Variants in PRDM2 observed in about 807,000 individuals in gnomAD.
PRDM2 encodes the protein PR domain zinc finger protein 2.
Under a neutral mutation model 130.0 loss-of-function variants are expected in PRDM2, and 30 were observed. That is an observed-to-expected ratio of 0.23 (90% confidence interval 0.17 to 0.31). The LOEUF (loss-of-function observed/expected upper bound fraction) is 0.31. PRDM2 is among the 10% of genes least tolerant of loss of function. The pLI is 1.00. For missense variants in PRDM2, 2,011 were observed against 2,108.4 expected (o/e 0.95, Z 0.90); for synonymous variants, 871 against 782.4 (o/e 1.11, Z -1.89).
At chr1:13,783,703 C>G (rs554437043) in intron 8 of PRDM2, among the ~76,000 whole-genome samples, 1 of 152,268 alleles carries the variant, frequency 6.6e-6, no homozygotes, top group South Asian at 2.1e-4. Context: ...TTCCTGAGTC[C>G]TTTGTCCGAA....
intron 1 of PRDM2, among the ~76,000 whole-genome samples, chr1:13,715,168 C>T (rs996890197): frequency 6.6e-6 from 1 of 152,124 alleles, no homozygotes; most frequent in Non-Finnish European, 1.5e-5. Flanking sequence ...ACGTACAACA[C>T]AGTATTGGTA....
At chr1:13,821,850 C>T (rs116547650) in intron 9 of PRDM2, among the ~76,000 whole-genome samples, 2,570 of 152,240 alleles carry the variant, frequency 0.017, 74 homozygotes, top group South Asian at 0.13. Context: ...AGGAAGCATG[C>T]GGGAACAGCC....
chr1:13,800,338 G>A (rs1644987390), intron 8 of PRDM2, among the ~76,000 whole-genome samples: 1 of 152,240 alleles, frequency 6.6e-6, no homozygotes, highest in African/African-American at 2.4e-5. Flanking sequence ...GAAAGAAGAT[G>A]GGGCCTGGCA....
Position 13,773,071 on chromosome 1 carries a change from G to A in PRDM2, c.512-7G>A. 1 of 1,445,076 alleles carries A rather than the reference G, an allele frequency of 6.9e-7. No individual in the cohort carries two copies. The highest frequency in any genetic ancestry group is 2.5e-5 in the East Asian group (1 of 40,334). 89.5% of individuals were successfully genotyped at this position (1,445,076 alleles called of 1,614,324 possible). A position where few individuals can be genotyped will look rare whatever the true frequency, so the allele number is the denominator to read the frequency against. On this transcript the variant is annotated splice_region_variant and splice_polypyrimidine_tract_variant and intron_variant, in intron 6 of 9. Coordinates refer to ENST00000311066, the MANE Select transcript of PRDM2 (RefSeq NM_001393986.1). ...GAATGAATAAATTAAAAAAAATTGT[G>A]TTTCAGGGAAGAAAAAATCCCAGGA...
chr1:13,752,310 T>C (rs1047202951), intron 6 of PRDM2, among the ~76,000 whole-genome samples: 3 of 152,244 alleles, frequency 2.0e-5, no homozygotes, highest in Non-Finnish European at 2.9e-5. Context: ...CATTTTAAAC[T>C]GGACTTTAAT....
intron 2 of PRDM2, among the ~76,000 whole-genome samples, chr1:13,718,113 T>C (rs1182564741): frequency 6.6e-6 from 1 of 152,196 alleles, no homozygotes; most frequent in African/African-American, 2.4e-5. Flanking sequence ...AAATGAGCAG[T>C]AAATGCTTGA....
chr1:13,749,623 G>T, intron 6 of PRDM2, 136 bp downstream of exon 6: 1 of 427,962 alleles, frequency 2.3e-6, no homozygotes, highest in South Asian at 9.5e-5. Flanking sequence ...GCATCTCGGT[G>T]ACCTTTTCCG....
At chr1:13,820,108 A>G (rs56219357) in intron 9 of PRDM2, among the ~76,000 whole-genome samples, 7,882 of 152,068 alleles carry the variant, frequency 0.052, 682 homozygotes, top group African/African-American at 0.18. Flanking sequence ...TGGCATCAAC[A>G]CTCTGGTCTT....
chr1:13,809,050 A>C (rs377109888), intron 8 of PRDM2, among the ~76,000 whole-genome samples: 1 of 152,198 alleles, frequency 6.6e-6, no homozygotes, highest in East Asian at 1.9e-4. Flanking sequence ...GGGTGAATCT[A>C]GTGAGGAGCC....
rs950592577 is a variant in PRDM2, at chr1:13,803,225, G to A, written c.5037-13202G>A. ...GAAACCGTATAGGAAGCCACGCTGG[G>A]AGGATTTGGTTCTTGAGCAGCATGG... On this transcript the variant is annotated intron_variant, in intron 8 of 9. Transcript: ENST00000311066. This position sits in a 1 kb window ranked among gnomAD's most constrained non-coding sequence, Gnocchi z 6.2. Among the ~76,000 whole-genome samples, 21 of 152,230 alleles carry A rather than the reference G, an allele frequency of 1.4e-4. No individual in the cohort carries two copies. Among genetic ancestry groups the A allele is most frequent in the African/African-American group, 4.6e-4 (19 of 41,464 alleles).
At chr1:13,798,772 G>C (rs1345043098) in intron 8 of PRDM2, among the ~76,000 whole-genome samples, 1 of 152,142 alleles carries the variant, frequency 6.6e-6, no homozygotes, top group Non-Finnish European at 1.5e-5. Flanking sequence ...GGTGGGAATG[G>C]GGGGATCGAT....
At chr1:13,701,732 A>G (rs1642079289) in intron 1 of PRDM2, among the ~76,000 whole-genome samples, 1 of 152,196 alleles carries the variant, frequency 6.6e-6, no homozygotes, top group African/African-American at 2.4e-5. Flanking sequence ...ACTAAAACTC[A>G]TTTACATTTT....
chr1:13,742,303 G>T, intron 5 of PRDM2, 146 bp downstream of exon 5: 8 of 901,432 alleles, frequency 8.9e-6, no homozygotes, highest in Non-Finnish European at 1.3e-5. Context: ...CCAGCCTTGG[G>T]CGATCCTCGG....
At chr1:13,821,838 G>T (rs1045755995) in intron 9 of PRDM2, among the ~76,000 whole-genome samples, 1 of 152,146 alleles carries the variant, frequency 6.6e-6, no homozygotes, top group South Asian at 2.1e-4. Context: ...TGGTTTCTGC[G>T]GAGGAAGCAT....
At chr1:13,775,195 G>A (rs1463372797) in intron 7 of PRDM2, among the ~76,000 whole-genome samples, 1 of 152,234 alleles carries the variant, frequency 6.6e-6, no homozygotes, top group East Asian at 1.9e-4. Flanking sequence ...GGCATGGGCC[G>A]TGCTTGTTAA....
chr1:13,787,590 T>C (rs1323365522), intron 8 of PRDM2: 3 of 978,124 alleles, frequency 3.1e-6, no homozygotes, highest in East Asian at 1.1e-4. Context: ...ATTTCTGTTA[T>C]GGGGACTTTA....
At chr1:13,807,116 T>C (rs1327759124) in intron 8 of PRDM2, among the ~76,000 whole-genome samples, 1 of 152,228 alleles carries the variant, frequency 6.6e-6, no homozygotes, top group East Asian at 1.9e-4. Context: ...AATAAGAATG[T>C]GGTCATTTGG....
At chr1:13,817,432 T>C (rs1420968781) in intron 9 of PRDM2, among the ~76,000 whole-genome samples, 1 of 152,108 alleles carries the variant, frequency 6.6e-6, no homozygotes, top group Non-Finnish European at 1.5e-5. Flanking sequence ...GATAAAAACA[T>C]GGAAACCAGA....
In PRDM2 at chr1:13,785,097, G is replaced by A. The variant is rs80241281; in HGVS notation, c.5036+2266G>A. On this transcript the variant is annotated intron_variant, in intron 8 of 9. Transcript: ENST00000311066. ...GGGTAATATGATGATTGTCATTAAC[G>A]TGTTGCCCAGGGCTCGTAGAGAGGA... is the stretch of plus-strand genomic sequence containing the variant. 8.6e-3 allele frequency among the ~76,000 whole-genome samples: 1,303 copies of A among 152,296 alleles called. 15 individuals are homozygous for A. The highest frequency in any genetic ancestry group is 0.03 in the African/African-American group (1,252 of 41,560).
Sources: gnomAD v4.1 joint callset for allele counts (sites outside exome capture counted in the v4.1 genomes callset) on GRCh38, gnomAD v4.1.1 for gene constraint, Gnocchi (gnomAD v3.1) non-coding constraint, MANE v1.5 for transcripts, NCBI Gene and HGNC (gene_info 2026-07-23, HGNC 2026-07-21) for gene names.